Variants in METAP1D observed in about 807,000 individuals in gnomAD.
The protein encoded by METAP1D is methionyl aminopeptidase type 1D, mitochondrial, also known as methionine aminopeptidase 1D, mitochondrial.
In METAP1D, 31 loss-of-function variants were observed where a neutral mutation model predicts 40.5. That is an observed-to-expected ratio of 0.77 (90% confidence interval 0.58 to 1.03). The LOEUF is 1.03. Ranked by LOEUF, METAP1D falls within the 50% of genes least tolerant of loss-of-function variation. The pLI, the probability that METAP1D is intolerant of heterozygous loss-of-function variation, is 0.00. For synonymous variants in METAP1D, 151 were observed against 146.4 expected (o/e 1.03, Z -0.22); for missense variants, 411 against 420.7 (o/e 0.98, Z 0.20).
rs553826009 is a variant in METAP1D, at chr2:172,030,078, T to TTTATTTATTTATTTATTTATTTA, written c.40+30071_40+30072insATTTATTTATTTATTTATTTATT. On this transcript the variant is annotated intron_variant, in intron 1 of 9. Coordinates refer to ENST00000315796, the MANE Select transcript of METAP1D (RefSeq NM_199227.3). Reference sequence around the variant, plus strand: ...GCCTTTAAGCCTACATTTTATTTTATTTTATTTATTTATTTATTTATTTTT... The same window carrying TTTATTTATTTATTTATTTATTTA: ...GCCTTTAAGCCTACATTTTATTTTATTTATTTATTTATTTATTTATTTATTTATTTATTTATTTATTTATTTTT... Among the ~76,000 whole-genome samples, 981 of 149,902 alleles carry TTTATTTATTTATTTATTTATTTA rather than the reference T, an allele frequency of 6.5e-3. 8 individuals carry two copies. The highest frequency in any genetic ancestry group is 0.01 in the Non-Finnish European group (683 of 67,588).
intron 6 of METAP1D, among the ~76,000 whole-genome samples, chr2:172,072,074 T>C: frequency 6.6e-6 from 1 of 152,222 alleles, no homozygotes; most frequent in African/African-American, 2.4e-5. Context: ...ATTGTGTTTT[T>C]GACAGTTTTA....
At position 172,017,720 on chromosome 2, in the gene METAP1D, G is replaced by C. The variant is rs115563287; in HGVS notation, c.40+17711G>C. 5.7e-3 allele frequency among the ~76,000 whole-genome samples: 862 copies of C among 152,186 alleles called. 10 individuals carry two copies. Among genetic ancestry groups the C allele is most frequent in the African/African-American group, 0.018 (750 of 41,520 alleles). ...TGCAGAAAAACTTGAGGCCCTTCAA[G>C]CTGTCATCATATCAGAGGTGATAAG... On this transcript the variant is annotated intron_variant, in intron 1 of 9. Coordinates refer to ENST00000315796, the MANE Select transcript of METAP1D (RefSeq NM_199227.3).
At chr2:172,079,690 TG>T (rs1228413476) in intron 8 of METAP1D, among the ~76,000 whole-genome samples, 4 of 152,222 alleles carry the variant, frequency 2.6e-5, no homozygotes, top group Admixed American at 2.0e-4. Flanking sequence ...TTTCTGACTG[TG>T]GGACTTAATG....
At chr2:172,021,779 C>G (rs1689013810) in intron 1 of METAP1D, 1 of 152,204 alleles carries the variant, frequency 6.6e-6, no homozygotes, top group South Asian at 2.1e-4. Context: ...CCTTGGCTCC[C>G]TGCCATAGGC....
At chr2:172,058,742 T>C (rs1340392562) in intron 1 of METAP1D, among the ~76,000 whole-genome samples, 1 of 152,158 alleles carries the variant, frequency 6.6e-6, no homozygotes, top group African/African-American at 2.4e-5. Context: ...TGAAATTGTT[T>C]AAAATAGTAC....
intron 1 of METAP1D, among the ~76,000 whole-genome samples, chr2:172,018,300 A>G (rs142080268): frequency 5.3e-5 from 8 of 152,298 alleles, no homozygotes; most frequent in African/African-American, 1.4e-4. Context: ...GCATGACCCT[A>G]TAAGATTAGA....
chr2:172,021,080 A>G (rs1257606027), intron 1 of METAP1D, among the ~76,000 whole-genome samples: 1 of 151,924 alleles, frequency 6.6e-6, no homozygotes, highest in Non-Finnish European at 1.5e-5. Context: ...TACAAGGCAG[A>G]GTTAATTTTA....
chr2:172,070,497 A>C (rs377683788), intron 5 of METAP1D, among the ~76,000 whole-genome samples: 2 of 152,212 alleles, frequency 1.3e-5, no homozygotes, highest in Non-Finnish European at 2.9e-5. Flanking sequence ...GTAAGTCTTC[A>C]TGACATTGAA....
In METAP1D at chr2:172,066,113, G is replaced by T. The variant is rs564018094; in HGVS notation, c.498-151G>T. The T allele has an allele frequency of 1.7e-4, 109 of 632,850 alleles. No homozygotes were observed. In the African/African-American group the frequency reaches 2.0e-3, roughly 11 times the overall value. 39.2% of individuals were successfully genotyped at this position (632,850 alleles called of 1,614,324 possible). On this transcript the variant is annotated intron_variant, in intron 4 of 9. Transcript: ENST00000315796. ...AATTAAGTGCATCTTTTGAAATAAA[G>T]ATTAGATTTAGTTATCCTGTGTAGT...
chr2:172,057,504 C>T (rs950493025), intron 1 of METAP1D, among the ~76,000 whole-genome samples: 1 of 152,116 alleles, frequency 6.6e-6, no homozygotes, highest in African/African-American at 2.4e-5. Context: ...CTCCCCAAAG[C>T]GTGTGTTTGG....
intron 6 of METAP1D, chr2:172,072,560 T>G (rs935202600): frequency 1.2e-5 from 2 of 166,278 alleles, no homozygotes; most frequent in Non-Finnish European, 1.5e-5. Context: ...TCAATTTAAT[T>G]GTGCAACACA....
intron 1 of METAP1D, among the ~76,000 whole-genome samples, chr2:172,024,653 A>G (rs10201053): frequency 0.32 from 48,043 of 151,774 alleles, 8,173 homozygotes; most frequent in East Asian, 0.74. Flanking sequence ...TTTTCAGCCA[A>G]ATCCCCAGGA....
chr2:172,037,294 GGT>G (rs4027462), intron 1 of METAP1D, among the ~76,000 whole-genome samples: 25 of 148,802 alleles, frequency 1.7e-4, no homozygotes, highest in Non-Finnish European at 2.2e-4. Flanking sequence ...TTTTACTTGG[GGT>G]GTGTGTGTGT....
chr2:172,060,063 CCAAAAAA>C (rs1354739255), intron 1 of METAP1D, among the ~76,000 whole-genome samples: 14 of 150,466 alleles, frequency 9.3e-5, no homozygotes, highest in Admixed American at 6.6e-5. Context: ...AAAAAAGAAA[CCAAAAAA>C]CAAAAAACAA....
intron 1 of METAP1D, among the ~76,000 whole-genome samples, chr2:172,032,511 G>A (rs1689263003): frequency 6.6e-6 from 1 of 152,118 alleles, no homozygotes; most frequent in Non-Finnish European, 1.5e-5. Flanking sequence ...TTAAGTAGAA[G>A]GAAAGAATCA....
chr2:172,079,637 TCAC>T (rs1690651447), intron 8 of METAP1D, among the ~76,000 whole-genome samples: 1 of 152,206 alleles, frequency 6.6e-6, no homozygotes, highest in South Asian at 2.1e-4. Flanking sequence ...GTGATTGGTA[TCAC>T]CACCAAATTC....
At chr2:172,051,056 T>C (rs545199240) in intron 1 of METAP1D, among the ~76,000 whole-genome samples, 1 of 132,938 alleles carries the variant, frequency 7.5e-6, no homozygotes, top group African/African-American at 2.6e-5. Flanking sequence ...TGTGACTCAA[T>C]ACTTTATAAA....
chr2:172,014,129 T>C (rs1465082162), intron 1 of METAP1D, among the ~76,000 whole-genome samples: 1 of 151,118 alleles, frequency 6.6e-6, no homozygotes, highest in Non-Finnish European at 1.5e-5. Context: ...GGACTACTTT[T>C]TTTTTTGAGA....
At chr2:172,006,193 T>C (rs1185580321) in intron 1 of METAP1D, among the ~76,000 whole-genome samples, 1 of 151,872 alleles carries the variant, frequency 6.6e-6, no homozygotes, top group Admixed American at 6.5e-5. Flanking sequence ...TTTGTTTTTT[T>C]TTTTTTTTGA....
Sources: gnomAD v4.1 joint callset for allele counts (sites outside exome capture counted in the v4.1 genomes callset) on GRCh38, gnomAD v4.1.1 for gene constraint, MANE v1.5 for transcripts, NCBI Gene and HGNC (gene_info 2026-07-23, HGNC 2026-07-21) for gene names.